The following BIN3 variants were observed in gnomAD, a reference collection of about 807,000 sequenced individuals.
BIN3 encodes bridging integrator 3.
Under a neutral mutation model 38.2 loss-of-function variants are expected in BIN3, and 41 were observed. That is an observed-to-expected ratio of 1.07 (90% confidence interval 0.84 to 1.39). The LOEUF is 1.39. Among genes scored for constraint, BIN3 ranks in the 40% most tolerant of loss-of-function variants. BIN3 has a pLI of 0.00. For missense variants in BIN3, 361 were observed against 324.3 expected (o/e 1.11, Z -0.87); for synonymous variants, 145 against 122.6 (o/e 1.18, Z -1.21).
intron 1 of BIN3, among the ~76,000 whole-genome samples, chr8:22,649,390 G>A (rs1385943926): frequency 1.4e-5 from 2 of 147,032 alleles, no homozygotes; most frequent in African/African-American, 2.5e-5. Flanking sequence ...GTATTCACAC[G>A]AGAAACAGTA....
At chr8:22,656,697 A>G (rs1803067656) in intron 1 of BIN3, among the ~76,000 whole-genome samples, 2 of 152,254 alleles carry the variant, frequency 1.3e-5, no homozygotes, top group Non-Finnish European at 2.9e-5. Context: ...AACGTTCCTA[A>G]CAGTAAGAAA....
chr8:22,630,668 C>A, intron 4 of BIN3, 90 bp from the exon 5 acceptor site: 1 of 1,484,044 alleles, frequency 6.7e-7, no homozygotes, highest in Admixed American at 2.0e-5. Flanking sequence ...TGCCAGGGGC[C>A]TGCACCCTGA....
At chr8:22,624,700 G>T (rs1801952991) in intron 6 of BIN3, 1 of 271,148 alleles carries the variant, frequency 3.7e-6, no homozygotes, top group Non-Finnish European at 6.9e-6. Context: ...GCCCAGGAAT[G>T]AAGGGTGCCC....
chr8:22,620,632 G>A lies in BIN3; in HGVS notation c.*790C>T, dbSNP rs1368188783. 6.6e-6 allele frequency: 1 copy of A among 152,160 alleles called. No individual in the cohort carries two copies. The highest frequency in any genetic ancestry group is 2.4e-5 in the African/African-American group (1 of 41,446). The allele number at this position is 152,160 out of a possible 1,614,324, so 9.4% of individuals were successfully genotyped here. ...CTGGCATGCTGGGCTGCCTGCTGGA[G>A]GGTGCTGCTGCTCCGTGGAGGGCAG... On this transcript the variant is annotated 3_prime_UTR_variant, in exon 9 of 9. Transcript: ENST00000276416.
In BIN3 at chr8:22,641,303, C is replaced by A. The variant is rs1426753498; in HGVS notation, c.57+3452G>T. Among the ~76,000 whole-genome samples, 10 of 152,282 alleles carry A rather than the reference C, an allele frequency of 6.6e-5. No homozygotes were observed. The East Asian group carries it at 1.4e-3, about 21-fold the overall frequency. On this transcript the variant is annotated intron_variant, in intron 2 of 8. Coordinates refer to ENST00000276416, the MANE Select transcript of BIN3 (RefSeq NM_018688.6). ...AGCCCCAGACGACTACCCGTGGCCA[C>A]CCCCTGCATTCATTCTCCAAGGCCC...
chr8:22,624,151 G>A (rs1226040806), intron 7 of BIN3, 71 bp downstream of exon 7: 9 of 1,589,042 alleles, frequency 5.7e-6, no homozygotes, highest in Admixed American at 1.7e-5. Context: ...CCCAGGTGAG[G>A]GGAGGGACTT....
At chr8:22,660,942 T>C (rs1803216472) in intron 1 of BIN3, among the ~76,000 whole-genome samples, 1 of 152,212 alleles carries the variant, frequency 6.6e-6, no homozygotes, top group African/African-American at 2.4e-5. Context: ...TGAGGTGCAG[T>C]GGTGTGATCA....
At chr8:22,647,003 G>A (rs188003204) in intron 1 of BIN3, among the ~76,000 whole-genome samples, 1 of 152,288 alleles carries the variant, frequency 6.6e-6, no homozygotes, top group East Asian at 1.9e-4. Context: ...AAGCGCTCTC[G>A]ACCCGGTATC....
In BIN3 at chr8:22,645,595, G is replaced by C. The variant is rs142931918; in HGVS notation, c.9-792C>G. On this transcript the variant is annotated intron_variant, in intron 1 of 8. Transcript: ENST00000276416. ...GGAAAGGCGAGGATGGCAGGAAAGG[G>C]AAGACACCCGCGAGGATGGCAGGAA... is the stretch of plus-strand genomic sequence containing the variant. Among the ~76,000 whole-genome samples, 930 of 135,232 alleles carry C rather than the reference G, an allele frequency of 6.9e-3. 14 individuals are homozygous for C. Among genetic ancestry groups the C allele is most frequent in the African/African-American group, 0.033 (883 of 26,374 alleles). The allele number at this position is 135,232 out of a possible 152,430, so 88.7% of individuals were successfully genotyped here. A position where few individuals can be genotyped will look rare whatever the true frequency, so the allele number is the denominator to read the frequency against.
chr8:22,647,021 G>T (rs566489925), intron 1 of BIN3, among the ~76,000 whole-genome samples: 1 of 152,182 alleles, frequency 6.6e-6, no homozygotes, highest in Non-Finnish European at 1.5e-5. Flanking sequence ...ATCAGAAAAC[G>T]TGGCCTCTGC....
chr8:22,643,497 C>T (rs757158361), intron 2 of BIN3, among the ~76,000 whole-genome samples: 9 of 152,142 alleles, frequency 5.9e-5, no homozygotes, highest in African/African-American at 1.2e-4. Flanking sequence ...TTGGTAGAGT[C>T]GGGGTCTCTC....
In BIN3 at chr8:22,624,346, G is replaced by C. The variant is rs765112578; in HGVS notation, c.356C>G (p.Pro119Arg). ...EPLKKFGSVFPSLNMAVKRRE... is the reference protein window; with the variant it reads ...EPLKKFGSVFRSLNMAVKRRE... ...CCTCTTCACAGCCATGTTGAGGCTC[G>C]GGAAGACACTGCCGAACCTGTGGGA... The change falls in exon 7 of 9, where the codon CCG becomes CGG. Residue 119 changes from proline (P) to arginine (R), a missense_variant. Physicochemically the swap from Pro to Arg is moderately radical, Grantham distance 103. Coordinates refer to ENST00000276416, the MANE Select transcript of BIN3 (RefSeq NM_018688.6). 1 of 1,613,144 alleles carries C rather than the reference G, an allele frequency of 6.2e-7. No individual in the cohort carries two copies. Among genetic ancestry groups the C allele is most frequent in the African/African-American group, 1.3e-5 (1 of 74,918 alleles).
At chr8:22,637,152 T>G (rs545135027) in intron 2 of BIN3, among the ~76,000 whole-genome samples, 190 bp from the exon 3 acceptor site, 123 of 152,280 alleles carry the variant, frequency 8.1e-4, no homozygotes, top group Non-Finnish European at 1.5e-3. Context: ...AGTGTTTGAA[T>G]TACGGAGGAA....
chr8:22,632,298 C>T (rs1216401719), intron 4 of BIN3, among the ~76,000 whole-genome samples: 3 of 152,194 alleles, frequency 2.0e-5, no homozygotes, highest in Non-Finnish European at 2.9e-5. Context: ...GAAGGGTCTG[C>T]CTCCGCCAGG....
chr8:22,643,731 C>T (rs1227932000), intron 2 of BIN3, among the ~76,000 whole-genome samples: 1 of 152,198 alleles, frequency 6.6e-6, no homozygotes, highest in Non-Finnish European at 1.5e-5. Flanking sequence ...CTTTCCTGTA[C>T]TTTTGAGAGC....
intron 1 of BIN3, among the ~76,000 whole-genome samples, chr8:22,664,983 G>A (rs1004593114): frequency 6.6e-6 from 1 of 152,218 alleles, no homozygotes; most frequent in Non-Finnish European, 1.5e-5. Context: ...CTATGTGCAT[G>A]ATACCCACTA....
intron 8 of BIN3, chr8:22,622,684 CCT>C (rs917705539): frequency 1.3e-5 from 2 of 152,296 alleles, no homozygotes; most frequent in African/African-American, 4.8e-5. Flanking sequence ...AGCCTGGCAC[CCT>C]GTGGCTTCCT....
chr8:22,624,737 C>G, intron 6 of BIN3: 1 of 228,986 alleles, frequency 4.4e-6, no homozygotes, highest in East Asian at 1.1e-4. Context: ...TGAGCTTTAT[C>G]ACACAACGGA....
At chr8:22,664,441 T>C (rs1014186999) in intron 1 of BIN3, among the ~76,000 whole-genome samples, 1 of 152,228 alleles carries the variant, frequency 6.6e-6, no homozygotes, top group Non-Finnish European at 1.5e-5. Flanking sequence ...ACATGAGTGA[T>C]GAGGCTGCCT....
Sources: allele counts gnomAD v4.1 joint callset (sites outside exome capture counted in the v4.1 genomes callset), GRCh38; gene constraint gnomAD v4.1.1; transcripts MANE v1.5; gene names NCBI Gene and HGNC (gene_info 2026-07-23, HGNC 2026-07-21).